Variants in SFXN5 observed in about 807,000 individuals in gnomAD.
SFXN5 encodes sideroflexin-5.
Under a neutral mutation model 50.2 loss-of-function variants are expected in SFXN5, and 43 were observed. That is an observed-to-expected ratio of 0.86 (90% CI 0.67 to 1.11). The LOEUF is 1.11. Ranked by LOEUF, SFXN5 falls within the 50% of genes least tolerant of loss-of-function variation. The probability of loss-of-function intolerance (pLI) is 0.00; values close to 1 mark genes in which losing one functional copy is unlikely to be tolerated. For missense variants in SFXN5, 463 were observed against 454.1 expected (o/e 1.02, Z -0.18); for synonymous variants, 203 against 185.8 (o/e 1.09, Z -0.75).
At chr2:73,028,257 T>C (rs754132543) in intron 3 of SFXN5, among the ~76,000 whole-genome samples, 1 of 152,234 alleles carries the variant, frequency 6.6e-6, no homozygotes, top group Non-Finnish European at 1.5e-5. Flanking sequence ...TCTTTGAATT[T>C]GAGTTTTATA....
chr2:73,064,191 C>G (rs766481714), intron 1 of SFXN5, among the ~76,000 whole-genome samples: 4 of 152,208 alleles, frequency 2.6e-5, no homozygotes, highest in Non-Finnish European at 5.9e-5. Context: ...GACACCGCCC[C>G]GCAACTACAC....
intron 7 of SFXN5, 117 bp from the exon 8 acceptor site, chr2:73,000,604 C>G: frequency 1.0e-6 from 1 of 957,260 alleles, no homozygotes; most frequent in Non-Finnish European, 1.6e-6. Context: ...CTCCAGCTCA[C>G]ATGGTGCCGC....
chr2:73,054,258 G>A (rs1681794471), intron 2 of SFXN5, among the ~76,000 whole-genome samples: 1 of 152,160 alleles, frequency 6.6e-6, no homozygotes, highest in Admixed American at 6.5e-5. Flanking sequence ...AAGTCTATCT[G>A]AATCTCTGAT....
At chr2:73,067,716 C>G (rs1032759950) in intron 1 of SFXN5, among the ~76,000 whole-genome samples, 4 of 152,002 alleles carry the variant, frequency 2.6e-5, no homozygotes, top group Non-Finnish European at 5.9e-5. Flanking sequence ...GAAACAAGGC[C>G]GGCTTTAAGT....
At chr2:72,954,303 T>C (rs1366134730) in intron 13 of SFXN5, among the ~76,000 whole-genome samples, 1 of 152,138 alleles carries the variant, frequency 6.6e-6, no homozygotes, top group Non-Finnish European at 1.5e-5. Flanking sequence ...TGGGAGACTC[T>C]TAGGCTGTCT....
intron 6 of SFXN5, among the ~76,000 whole-genome samples, chr2:73,014,117 T>C (rs1055643877): frequency 2.6e-5 from 4 of 152,194 alleles, no homozygotes; most frequent in Admixed American, 2.6e-4. Context: ...AGTATTCCAC[T>C]GCGTGACTAA....
intron 11 of SFXN5, among the ~76,000 whole-genome samples, chr2:72,969,840 C>T (rs1277469660): frequency 6.6e-6 from 1 of 152,032 alleles, no homozygotes; most frequent in African/African-American, 2.4e-5. Context: ...CAGGGTTTCC[C>T]TCGGGGTCTG....
chr2:73,029,429 GTT>G (rs11372880), intron 3 of SFXN5, among the ~76,000 whole-genome samples: 1 of 150,404 alleles, frequency 6.6e-6, no homozygotes, highest in South Asian at 2.1e-4. Context: ...CAAATGAGCA[GTT>G]TTTTTTTTAA....
At position 73,000,465 on chromosome 2, in the gene SFXN5, G is replaced by T; in HGVS notation, c.434C>A (p.Ala145Asp). ...ATTGCGGTTTGCATAGTTGACACAG[G>T]CATTGTGGCTCTGGTTCAGCCACTG... is the stretch of plus-strand genomic sequence containing the variant. Reference protein sequence around the residue: ...FWQWLNQSHNACVNYANRNAT... With the variant: ...FWQWLNQSHNDCVNYANRNAT... The change falls in exon 8 of 14, where the codon GCC becomes GAC. Residue 145 changes from alanine to aspartate, a missense_variant. Transcript: ENST00000272433. 1 of 1,560,562 alleles carries T rather than the reference G, an allele frequency of 6.4e-7. No individual in the cohort carries two copies. The highest frequency in any genetic ancestry group is 8.7e-7 in the Non-Finnish European group (1 of 1,150,808).
At position 73,059,145 on chromosome 2, in the gene SFXN5, C is replaced by T. The variant is rs1030600878; in HGVS notation, c.103-549G>A. 3 of 987,076 alleles carry T rather than the reference C, an allele frequency of 3.0e-6. No homozygotes were observed. The African/African-American group carries it at 5.2e-5, about 17-fold the overall frequency. The allele number at this position is 987,076 out of a possible 1,614,324, so 61.1% of individuals were successfully genotyped here. On this transcript the variant is annotated intron_variant, in intron 1 of 13. Coordinates refer to ENST00000272433, the MANE Select transcript of SFXN5 (RefSeq NM_144579.3). Reference sequence around the variant, plus strand: ...GCCCTGTAGCTGCTGAAGTGCAGGACAAGGGGCAGCTCCCCCAACCTTGCC... The same window carrying T: ...GCCCTGTAGCTGCTGAAGTGCAGGATAAGGGGCAGCTCCCCCAACCTTGCC...
intron 6 of SFXN5, among the ~76,000 whole-genome samples, chr2:73,016,974 G>T (rs1443965478): frequency 6.6e-6 from 1 of 152,130 alleles, no homozygotes; most frequent in African/African-American, 2.4e-5. Context: ...GGCTGACTGG[G>T]AGCTGCACTG....
At chr2:72,977,740 C>T (rs376463373) in intron 10 of SFXN5, among the ~76,000 whole-genome samples, 20 of 152,132 alleles carry the variant, frequency 1.3e-4, no homozygotes, top group South Asian at 2.1e-4. Context: ...TTTGGGAGGC[C>T]GATGTGAGTG....
intron 10 of SFXN5, 88 bp from the exon 11 acceptor site, chr2:72,971,773 G>T: frequency 1.0e-6 from 1 of 989,740 alleles, no homozygotes; most frequent in Non-Finnish European, 1.6e-6. Flanking sequence ...TCCTACGCAA[G>T]CCTTGGGGTT....
At chr2:72,993,985 C>T (rs1039378326) in intron 9 of SFXN5, among the ~76,000 whole-genome samples, 1 of 152,210 alleles carries the variant, frequency 6.6e-6, no homozygotes, top group African/African-American at 2.4e-5. Flanking sequence ...CTCCCAGTCC[C>T]CACTGCTCTC....
rs181897402 is a variant in SFXN5, at chr2:72,954,798, G to A, written c.945+6333C>T. Among the ~76,000 whole-genome samples, 149 of 152,306 alleles carry A rather than the reference G, an allele frequency of 9.8e-4. 2 individuals are homozygous for A. Among genetic ancestry groups the A allele is most frequent in the Middle Eastern group, 6.8e-3 (2 of 294 alleles). ...AGAGGGCACACCCTTGCTGCAGGCC[G>A]GGCACCTGAGGGGCAGCATGTAACT... On this transcript the variant is annotated intron_variant, in intron 13 of 13. Transcript: ENST00000272433.
chr2:73,046,977 A>G (rs1680421070), intron 2 of SFXN5, among the ~76,000 whole-genome samples: 1 of 151,068 alleles, frequency 6.6e-6, no homozygotes, highest in South Asian at 2.1e-4. Context: ...CTGTAATCCC[A>G]GCACTTTGGG....
chr2:73,039,770 C>T (rs1052514061), intron 3 of SFXN5, among the ~76,000 whole-genome samples: 7 of 134,764 alleles, frequency 5.2e-5, no homozygotes, highest in African/African-American at 1.6e-4. Flanking sequence ...TTTTTCCTTA[C>T]AAGCACTATT....
At chr2:72,974,036 T>G (rs1670341936) in intron 10 of SFXN5, among the ~76,000 whole-genome samples, 1 of 152,238 alleles carries the variant, frequency 6.6e-6, no homozygotes, top group South Asian at 2.1e-4. Context: ...CAGCTCACTC[T>G]GGGGACTTGA....
rs561984759 is a variant in SFXN5, at chr2:72,951,828, C to T, written c.946-6729G>A. On this transcript the variant is annotated intron_variant, in intron 13 of 13. Coordinates refer to ENST00000272433, the MANE Select transcript of SFXN5 (RefSeq NM_144579.3). ...GGTCTGCAGAAGGTGGCGACATTGA[C>T]GCAGGGCCCAAAGCCCAAGCAGGCA... Among the ~76,000 whole-genome samples the T allele has an allele frequency of 2.0e-4, 30 of 152,326 alleles. 1 individual carries two copies. In the South Asian group the frequency reaches 4.6e-3, roughly 23 times the overall value.
Sources: allele counts gnomAD v4.1 joint callset (sites outside exome capture counted in the v4.1 genomes callset), GRCh38; gene constraint gnomAD v4.1.1; transcripts MANE v1.5; gene names NCBI Gene and HGNC (gene_info 2026-07-23, HGNC 2026-07-21).